The following PRKN variants were observed in gnomAD, a reference collection of about 807,000 sequenced individuals.
PRKN encodes E3 ubiquitin-protein ligase parkin.
PRKN carries 56 observed loss-of-function variants against 59.5 expected under a neutral mutation model. The observed-to-expected ratio is 0.94, with a 90% confidence interval of 0.76 to 1.18. PRKN has a LOEUF of 1.18. PRKN is among the 50% of genes most tolerant of loss of function. PRKN has a pLI of 0.00. For synonymous variants in PRKN, 250 were observed against 222.1 expected, an observed-to-expected ratio of 1.13 and a Z score of -1.12; for missense variants, 657 against 596.4, an observed-to-expected ratio of 1.10 and a Z score of -1.06.
At chr6:162,276,751 A>G (rs1389672374) in intron 2 of PRKN, among the ~76,000 whole-genome samples, 1 of 151,340 alleles carries the variant, frequency 6.6e-6, no homozygotes, top group African/African-American at 2.4e-5. Flanking sequence ...CTCTTAGATA[A>G]TTGATAGCAT....
At chr6:161,671,989 T>A (rs9355357) in intron 7 of PRKN, among the ~76,000 whole-genome samples, 1 of 151,960 alleles carries the variant, frequency 6.6e-6, no homozygotes, top group African/African-American at 2.4e-5. Flanking sequence ...ATGAACTCGA[T>A]AGAGTTCACT....
At chr6:161,776,132 G>A (rs1789914127) in intron 7 of PRKN, among the ~76,000 whole-genome samples, 1 of 152,212 alleles carries the variant, frequency 6.6e-6, no homozygotes, top group Non-Finnish European at 1.5e-5. Context: ...TAAAGGACAA[G>A]AAGTAAGTGC....
At chr6:161,715,468 C>T (rs1463952543) in intron 7 of PRKN, among the ~76,000 whole-genome samples, 1 of 151,962 alleles carries the variant, frequency 6.6e-6, no homozygotes, top group Non-Finnish European at 1.5e-5. Context: ...ATATGTATCC[C>T]TCTTCAAGAC....
At chr6:162,035,706 C>A (rs192913202) in intron 5 of PRKN, among the ~76,000 whole-genome samples, 40 of 152,078 alleles carry the variant, frequency 2.6e-4, no homozygotes, top group Non-Finnish European at 4.7e-4. Flanking sequence ...GTTTTCAGGG[C>A]AGAATGAGCA....
At chr6:161,638,972 C>T (rs1783634766) in intron 7 of PRKN, among the ~76,000 whole-genome samples, 1 of 151,940 alleles carries the variant, frequency 6.6e-6, no homozygotes, top group South Asian at 2.1e-4. Flanking sequence ...AAACTCCTGA[C>T]CTCAGGTAAT....
chr6:162,338,529 C>G (rs1583404918), intron 2 of PRKN, among the ~76,000 whole-genome samples: 2 of 152,328 alleles, frequency 1.3e-5, no homozygotes, highest in East Asian at 3.9e-4. Flanking sequence ...GCCGGGATTG[C>G]AGACGGAGTC....
At chr6:162,700,037 T>G (rs551782313) in intron 1 of PRKN, among the ~76,000 whole-genome samples, 2 of 152,344 alleles carry the variant, frequency 1.3e-5, no homozygotes, top group East Asian at 3.9e-4. Flanking sequence ...ATTGACGAGC[T>G]AACTTCTATC....
chr6:162,401,633 C>T (rs957534946), intron 2 of PRKN, among the ~76,000 whole-genome samples: 2 of 152,018 alleles, frequency 1.3e-5, no homozygotes, highest in Non-Finnish European at 2.9e-5. Flanking sequence ...CTATTGAAAA[C>T]TCAAAAAATC....
At chr6:162,661,268 A>G (rs1778868559) in intron 1 of PRKN, among the ~76,000 whole-genome samples, 1 of 152,184 alleles carries the variant, frequency 6.6e-6, no homozygotes, top group African/African-American at 2.4e-5. Flanking sequence ...TCTAAAAAAA[A>G]AAGAACAAGG....
At chr6:162,397,150 T>C (rs1309335734) in intron 2 of PRKN, among the ~76,000 whole-genome samples, 2 of 152,222 alleles carry the variant, frequency 1.3e-5, no homozygotes, top group Non-Finnish European at 1.5e-5. Context: ...ATGGTGCCTT[T>C]CTGTCACCAA....
At chr6:162,632,771 G>T (rs544715835) in intron 1 of PRKN, among the ~76,000 whole-genome samples, 3 of 152,176 alleles carry the variant, frequency 2.0e-5, no homozygotes, top group East Asian at 1.9e-4. Context: ...AGAAAAATAT[G>T]CCCAAGACAA....
At chr6:161,599,116 C>T (rs1782020887) in intron 7 of PRKN, among the ~76,000 whole-genome samples, 1 of 152,184 alleles carries the variant, frequency 6.6e-6, no homozygotes, top group Admixed American at 6.5e-5. Flanking sequence ...CTTCCCAGAG[C>T]CTTCAGAGGG....
intron 7 of PRKN, among the ~76,000 whole-genome samples, chr6:161,730,775 GGT>G (rs1403768184): frequency 3.3e-5 from 5 of 151,716 alleles, no homozygotes; most frequent in Non-Finnish European, 5.9e-5. Context: ...TATTCTTTCT[GGT>G]GTGTTGCATT....
intron 3 of PRKN, among the ~76,000 whole-genome samples, chr6:162,238,372 T>A (rs1326444993): frequency 6.6e-6 from 1 of 152,206 alleles, no homozygotes; most frequent in Non-Finnish European, 1.5e-5. Flanking sequence ...GTATACTCTA[T>A]GTTGTTTGCA....
chr6:161,939,746 A>G (rs535775396), intron 6 of PRKN, among the ~76,000 whole-genome samples: 6 of 152,304 alleles, frequency 3.9e-5, no homozygotes, highest in Non-Finnish European at 7.4e-5. Context: ...AAAAAATAAA[A>G]GAAAAAAAGG....
chr6:161,955,521 T>A (rs59878648), intron 6 of PRKN, among the ~76,000 whole-genome samples: 3,150 of 152,190 alleles, frequency 0.021, 107 homozygotes, highest in African/African-American at 0.072. Flanking sequence ...GGAAAAAAAA[T>A]TTCAATTCAA....
chr6:161,620,850 A>G lies in PRKN; in HGVS notation c.872-51434T>C, dbSNP rs143500427. 4.5e-4 allele frequency among the ~76,000 whole-genome samples: 69 copies of G among 152,262 alleles called. No homozygotes were observed. The Middle Eastern group carries it at 0.01, about 23-fold the overall frequency. On this transcript the variant is annotated intron_variant, in intron 7 of 11. Coordinates refer to ENST00000366898, the MANE Select transcript of PRKN (RefSeq NM_004562.3). ...ACAACGTGTCTTTGGTTTACAGAGA[A>G]GTTTCCCCATCTTTTTCTTTTATCA... is the stretch of plus-strand genomic sequence containing the variant.
intron 1 of PRKN, among the ~76,000 whole-genome samples, chr6:162,615,749 T>C (rs1782382397): frequency 6.6e-6 from 1 of 152,148 alleles, no homozygotes; most frequent in Non-Finnish European, 1.5e-5. Context: ...AAAAATACAG[T>C]GTAAAATCAG....
Position 162,188,520 on chromosome 6 carries a change from C to T in PRKN, c.534+12611G>A, listed in dbSNP as rs56778072. 5.3e-3 allele frequency among the ~76,000 whole-genome samples: 800 copies of T among 152,328 alleles called. 5 individuals carry two copies. Among genetic ancestry groups the T allele is most frequent in the African/African-American group, 0.018 (757 of 41,588 alleles). ...ATGTCCACATAGGCCCTATCCACAACCCAACAGCAATCTCCTGGTCCTACT... is the reference window on the plus strand; with the variant it reads ...ATGTCCACATAGGCCCTATCCACAATCCAACAGCAATCTCCTGGTCCTACT... On this transcript the variant is annotated intron_variant, in intron 4 of 11. Coordinates refer to ENST00000366898, the MANE Select transcript of PRKN (RefSeq NM_004562.3).
Sources: allele counts gnomAD v4.1 joint callset (sites outside exome capture counted in the v4.1 genomes callset), GRCh38; gene constraint gnomAD v4.1.1; transcripts MANE v1.5; gene names NCBI Gene and HGNC (gene_info 2026-07-23, HGNC 2026-07-21).